SMOC1: variants seen among roughly 807,000 people sequenced by gnomAD.
SMOC1 encodes SPARC-related modular calcium-binding protein 1.
A neutral mutation model predicts 56.3 loss-of-function variants in SMOC1; 22 were observed. The observed-to-expected ratio is 0.39, with a 90% CI of 0.28 to 0.56. The LOEUF (loss-of-function observed/expected upper bound fraction) is 0.56. Ranked by LOEUF, SMOC1 falls within the 20% of genes least tolerant of loss-of-function variation. The pLI is 0.61. For missense variants in SMOC1, 509 were observed against 565.4 expected (o/e 0.90, Z 1.01); for synonymous variants, 193 against 215.0 (o/e 0.90, Z 0.89).
At chr14:70,010,675 C>T (rs1885301796) in intron 7 of SMOC1, 79 bp from the exon 8 acceptor site, 3 of 1,502,276 alleles carry the variant, frequency 2.0e-6, no homozygotes, top group Non-Finnish European at 9.3e-7. Context: ...TTGCTACTTA[C>T]TTTGGATGCT....
In SMOC1 at chr14:69,976,745, G is replaced by A. The variant is rs1883973902; in HGVS notation, c.478+931G>A. The stretch of plus-strand genomic sequence containing the variant: ...AGCTGATTCATATTTCTTCATATCT[G>A]TGTGCATAGGGTTTTATTGATTTAC... On this transcript the variant is annotated intron_variant, in intron 4 of 11. Coordinates refer to ENST00000361956, the MANE Select transcript of SMOC1 (RefSeq NM_001034852.3). Among the ~76,000 whole-genome samples, 6 of 152,138 alleles carry A rather than the reference G, an allele frequency of 3.9e-5. No individual in the cohort carries two copies. In the South Asian group the frequency reaches 1.2e-3, roughly 31 times the overall value.
intron 1 of SMOC1, among the ~76,000 whole-genome samples, chr14:69,882,481 G>A (rs764532171): frequency 6.6e-6 from 1 of 152,152 alleles, no homozygotes; most frequent in South Asian, 2.1e-4. Context: ...GGAAACCAGC[G>A]GCTATCGAGT....
At position 69,977,474 on chromosome 14, in the gene SMOC1, C is replaced by G. The variant is rs61977391; in HGVS notation, c.479-444C>G. Among the ~76,000 whole-genome samples, 758 of 151,082 alleles carry G rather than the reference C, an allele frequency of 5.0e-3. 5 individuals carry two copies. Among genetic ancestry groups the G allele is most frequent in the Non-Finnish European group, 8.7e-3 (589 of 68,022 alleles). On this transcript the variant is annotated intron_variant, in intron 4 of 11. Transcript: ENST00000361956. The stretch of plus-strand genomic sequence containing the variant: ...GAGAATCGCTGATTTCCTGTCCTAA[C>G]CAGCAAGGGATGTCAATCATTGCCT...
intron 11 of SMOC1, among the ~76,000 whole-genome samples, chr14:70,026,390 C>T (rs73290784): frequency 2.5e-4 from 38 of 152,302 alleles, no homozygotes; most frequent in African/African-American, 7.5e-4. Context: ...TCAGATCCAC[C>T]GAGCTCAGGG....
chr14:70,030,102 G>A, intron 11 of SMOC1, 140 bp from the exon 12 acceptor site: 1 of 1,268,688 alleles, frequency 7.9e-7, no homozygotes, highest in South Asian at 1.4e-5. Context: ...CCTCATAGAG[G>A]ACAGCAGGTG....
At chr14:69,973,493 G>A (rs227446) in intron 3 of SMOC1, among the ~76,000 whole-genome samples, 8 of 152,084 alleles carry the variant, frequency 5.3e-5, no homozygotes, top group African/African-American at 7.2e-5. Flanking sequence ...TAGTGTTGAC[G>A]TGACCCCAAG....
chr14:69,957,999 C>T (rs1054620961), intron 3 of SMOC1, among the ~76,000 whole-genome samples: 10 of 152,178 alleles, frequency 6.6e-5, no homozygotes, highest in South Asian at 2.1e-4. Context: ...AATAATATTT[C>T]GAAAGCTCAT....
At chr14:69,895,875 T>C (rs1348999533) in intron 1 of SMOC1, among the ~76,000 whole-genome samples, 1 of 150,484 alleles carries the variant, frequency 6.6e-6, no homozygotes, top group Non-Finnish European at 1.5e-5. Context: ...TTCTTTTTTT[T>C]TTTTTTTGAG....
intron 10 of SMOC1, among the ~76,000 whole-genome samples, chr14:70,021,338 G>A (rs189188546): frequency 6.6e-6 from 1 of 152,316 alleles, no homozygotes; most frequent in African/African-American, 2.4e-5. Flanking sequence ...CACTGCAGGG[G>A]CCGTCTTAAC....
intron 5 of SMOC1, among the ~76,000 whole-genome samples, chr14:69,990,974 T>C (rs17107549): frequency 0.16 from 23,549 of 151,762 alleles, 2,052 homozygotes; most frequent in African/African-American, 0.22. Flanking sequence ...CTCCCAAGGG[T>C]GAGATGTTGA....
intron 1 of SMOC1, among the ~76,000 whole-genome samples, chr14:69,940,979 C>T (rs1882537456): frequency 6.6e-6 from 1 of 152,164 alleles, no homozygotes; most frequent in Non-Finnish European, 1.5e-5. Context: ...TAAATGCCTT[C>T]CGTCTCTGAG....
At chr14:70,021,591 C>G (rs1057300775) in intron 10 of SMOC1, among the ~76,000 whole-genome samples, 3 of 152,192 alleles carry the variant, frequency 2.0e-5, no homozygotes, top group Non-Finnish European at 4.4e-5. Context: ...GATGAGGTCC[C>G]CTTGGCAGAT....
Position 69,953,450 on chromosome 14 carries a change from G to A in SMOC1, c.296G>A (p.Arg99Gln), listed in dbSNP as rs749505789. The part of the protein sequence containing the change: ...DAGQSKCRLE[R>Q]AQALEQAKKP... The stretch of plus-strand genomic sequence containing the variant: ...GGCCAGAGCAAGTGTCGCCTGGAGC[G>A]GGCTCAAGCCCTGGAGCAAGCCAAG... The change falls in exon 3 of 12, where the codon CGG becomes CAG. Residue 99 changes from arginine to glutamine, a missense_variant. By Grantham distance (43) the Arg-to-Gln change is conservative (BLOSUM62 1). Coordinates refer to ENST00000361956, the MANE Select transcript of SMOC1 (RefSeq NM_001034852.3). The A allele has an allele frequency of 9.3e-6, 15 of 1,614,096 alleles. No individual in the cohort carries two copies. Among genetic ancestry groups the A allele is most frequent in the Admixed American group, 1.7e-5 (1 of 60,014 alleles).
chr14:70,016,123 G>A (rs1885503271), intron 10 of SMOC1, among the ~76,000 whole-genome samples: 1 of 152,194 alleles, frequency 6.6e-6, no homozygotes, highest in African/African-American at 2.4e-5. Context: ...CGTGGGCTCT[G>A]CCGCAGGTGG....
At chr14:69,932,869 G>T (rs1446662199) in intron 1 of SMOC1, among the ~76,000 whole-genome samples, 1 of 152,150 alleles carries the variant, frequency 6.6e-6, no homozygotes, top group Non-Finnish European at 1.5e-5. Context: ...GTCACCTTCT[G>T]TAAGCCGATG....
intron 1 of SMOC1, among the ~76,000 whole-genome samples, chr14:69,948,517 C>G (rs1400001927): frequency 6.6e-6 from 1 of 152,086 alleles, no homozygotes; most frequent in East Asian, 1.9e-4. Flanking sequence ...CTGCTGTGGC[C>G]TCTCTCTCAG....
At chr14:69,947,096 C>G in intron 1 of SMOC1, among the ~76,000 whole-genome samples, 1 of 145,652 alleles carries the variant, frequency 6.9e-6, no homozygotes, top group African/African-American at 2.7e-5. Flanking sequence ...GGCCTTCCTT[C>G]CTTCCTTCCT....
chr14:69,984,562 G>A (rs1022778530), intron 5 of SMOC1, among the ~76,000 whole-genome samples: 5 of 152,068 alleles, frequency 3.3e-5, no homozygotes, highest in Non-Finnish European at 2.9e-5. Context: ...GAAAATGGTG[G>A]CCTGGCATGG....
intron 4 of SMOC1, among the ~76,000 whole-genome samples, chr14:69,977,576 T>G (rs554653164): frequency 2.0e-5 from 3 of 152,192 alleles, no homozygotes; most frequent in African/African-American, 7.2e-5. Flanking sequence ...GGTGAGAAGT[T>G]GGGGAGATGG....
Sources: gnomAD v4.1 joint callset for allele counts (sites outside exome capture counted in the v4.1 genomes callset) on GRCh38, gnomAD v4.1.1 for gene constraint, MANE v1.5 for transcripts, NCBI Gene and HGNC (gene_info 2026-07-23, HGNC 2026-07-21) for gene names.